The following SCRT1 variants were observed in gnomAD, a reference collection of about 807,000 sequenced individuals.
The protein encoded by SCRT1 is scratch family transcriptional repressor 1, also known as transcriptional repressor scratch 1.
SCRT1 carries 1 observed loss-of-function variant against 3.4 expected under a neutral mutation model. That is an observed-to-expected ratio of 0.29 (90% CI 0.10 to 1.39). SCRT1 has a LOEUF of 1.39. Ranked by LOEUF, SCRT1 falls within the 40% of genes most tolerant of loss-of-function variation. The pLI, the probability that SCRT1 is intolerant of heterozygous loss-of-function variation, is 0.42. For missense variants in SCRT1, 380 were observed against 526.3 expected (o/e 0.72, Z 2.72); for synonymous variants, 238 against 247.0 (o/e 0.96, Z 0.34).
At position 144,332,970 on chromosome 8, in the gene SCRT1, G is replaced by C. The variant is rs953453014; in HGVS notation, c.*215C>G. ...AGCCGGGGGCACCCTGGAGGGGAGGGGAGGGGGCTCGGGGTGGGTCTCCCC... is the reference window on the plus strand; with the variant it reads ...AGCCGGGGGCACCCTGGAGGGGAGGCGAGGGGGCTCGGGGTGGGTCTCCCC... On this transcript the variant is annotated 3_prime_UTR_variant, in exon 2 of 2. Coordinates refer to ENST00000569446, the MANE Select transcript of SCRT1 (RefSeq NM_031309.6). 2 of 504,484 alleles carry C rather than the reference G, an allele frequency of 4.0e-6. No homozygotes were observed. Among genetic ancestry groups the C allele is most frequent in the Admixed American group, 7.4e-5 (2 of 26,858 alleles). The allele number at this position is 504,484 out of a possible 1,614,324, so 31.3% of individuals were successfully genotyped here. A position where few individuals can be genotyped will look rare whatever the true frequency, so the allele number is the denominator to read the frequency against.
chr8:144,331,687 C>CTCTGCCGTGGGGG lies in SCRT1; in HGVS notation c.*1485_*1497dup, dbSNP rs1302438133. 3.3e-5 allele frequency: 5 copies of CTCTGCCGTGGGGG among 152,298 alleles called. No individual in the cohort carries two copies. The highest frequency in any genetic ancestry group is 7.3e-5 in the Non-Finnish European group (5 of 68,064). The allele number at this position is 152,298 out of a possible 1,614,324, so 9.4% of individuals were successfully genotyped here. A position where few individuals can be genotyped will look rare whatever the true frequency, so the allele number is the denominator to read the frequency against. On this transcript the variant is annotated 3_prime_UTR_variant, in exon 2 of 2. Transcript: ENST00000569446. ...CCATGGAACCATTACAGCCGCCGGG[C>CTCTGCCGTGGGGG]TCTGCCGTGGGGGTCGGGGAGGGGT...
At chr8:144,334,615 C>T (rs1225730047) in intron 1 of SCRT1, among the ~76,000 whole-genome samples, 3 of 152,042 alleles carry the variant, frequency 2.0e-5, no homozygotes, top group African/African-American at 7.3e-5. Flanking sequence ...GGGGTCCTGG[C>T]CGGCTCTCCC....
rs1164336657 is a variant in SCRT1 at position 144,336,331 on chromosome 8, C to T, written c.-162G>A. On this transcript the variant is annotated 5_prime_UTR_variant, in exon 1 of 2. Coordinates refer to ENST00000569446, the MANE Select transcript of SCRT1 (RefSeq NM_031309.6). The surrounding 1 kb of genome is among the most constrained non-coding windows in gnomAD (Gnocchi z 6.8). ...GAGTGGTGTCCTCTCTCCTTGCTGC[C>T]CTGCGTCTCCTCCGTTGCCCCTCCG... is the stretch of plus-strand genomic sequence containing the variant. 10 of 543,704 alleles carry T rather than the reference C, an allele frequency of 1.8e-5. No homozygotes were observed. Among genetic ancestry groups the T allele is most frequent in the Admixed American group, 3.6e-5 (1 of 27,486 alleles). 33.7% of individuals were successfully genotyped at this position (543,704 alleles called of 1,614,324 possible). A position where few individuals can be genotyped will look rare whatever the true frequency, so the allele number is the denominator to read the frequency against.
chr8:144,333,036 C>A lies in SCRT1; in HGVS notation c.*149G>T, dbSNP rs1277314872. 6 of 555,228 alleles carry A rather than the reference C, an allele frequency of 1.1e-5. No individual in the cohort carries two copies. Among genetic ancestry groups the A allele is most frequent in the South Asian group, 2.5e-5 (1 of 40,736 alleles). The allele number at this position is 555,228 out of a possible 1,614,324, so 34.4% of individuals were successfully genotyped here. On this transcript the variant is annotated 3_prime_UTR_variant, in exon 2 of 2. Coordinates refer to ENST00000569446, the MANE Select transcript of SCRT1 (RefSeq NM_031309.6). ...TTGAAGGGGCCGGCAAGGCCCCTGGCGGGCGGGGCGGGGTGGGACCGGGCC... is the reference window on the plus strand; with the variant it reads ...TTGAAGGGGCCGGCAAGGCCCCTGGAGGGCGGGGCGGGGTGGGACCGGGCC...
In SCRT1 at chr8:144,333,643, C is replaced by T; in HGVS notation, c.589G>A (p.Gly197Ser). 1 of 1,591,296 alleles carries T rather than the reference C, an allele frequency of 6.3e-7. No individual in the cohort carries two copies. Among genetic ancestry groups the T allele is most frequent in the Non-Finnish European group, 8.5e-7 (1 of 1,173,394 alleles). ...TTCGACGACGTGGCGTATGTTTTGC[C>T]GCACTCGCCGCACGCGTGCCGGCCG... is the stretch of plus-strand genomic sequence containing the variant. ...AGGRHACGEC[G>S]KTYATSSNLS... is the part of the protein sequence containing the mutation. Residue 197 changes from glycine to serine, a missense_variant, in exon 2 of 2, where the codon GGC becomes AGC. Gly to Ser is a moderately conservative substitution (Grantham distance 56). This residue lies in a region of SCRT1 where 56 missense variants were observed against 169.3 expected (regional missense o/e 0.33). Transcript: ENST00000569446.
chr8:144,334,306 G>A (rs1410218664), intron 1 of SCRT1, among the ~76,000 whole-genome samples, 190 bp from the exon 2 acceptor site: 2 of 152,016 alleles, frequency 1.3e-5, no homozygotes, highest in Non-Finnish European at 2.9e-5. Context: ...ACAGCAGGGA[G>A]GGGAAGAGAG....
rs1554849999 is a variant in SCRT1, at chr8:144,333,881, G to A, written c.351C>T (p.Phe117=). The change falls in exon 2 of 2, where the codon TTC becomes TTT. Residue 117 remains phenylalanine (F), a synonymous_variant. Transcript: ENST00000569446. The part of the protein sequence containing the change: ...AVSEGYAADA[F]FITDGRSRRK... ...GCCGCGAGCGCCCGTCGGTGATGAA[G>A]AAGGCGTCCGCCGCGTAGCCCTCGC... 9.4e-6 allele frequency: 12 copies of A among 1,283,018 alleles called. No homozygotes were observed. Among genetic ancestry groups the A allele is most frequent in the South Asian group, 2.4e-5 (1 of 41,258 alleles). 79.5% of individuals were successfully genotyped at this position (1,283,018 alleles called of 1,614,324 possible). A position where few individuals can be genotyped will look rare whatever the true frequency, so the allele number is the denominator to read the frequency against.
At position 144,336,192 on chromosome 8, in the gene SCRT1, T is replaced by G; in HGVS notation, c.-23A>C. ...CATGATTCCTGCGGGGCTCCGGCGC[T>G]GTGGGCCTGCGGAGCCGGGGCTTGG... On this transcript the variant is annotated 5_prime_UTR_variant, in exon 1 of 2. Transcript: ENST00000569446. The surrounding 1 kb of genome is among the most constrained non-coding windows in gnomAD (Gnocchi z 6.8). 1 of 1,535,564 alleles carries G rather than the reference T, an allele frequency of 6.5e-7. No individual in the cohort carries two copies. Among genetic ancestry groups the G allele is most frequent in the Non-Finnish European group, 8.9e-7 (1 of 1,129,210 alleles).
rs1258868260 is a variant in SCRT1, at chr8:144,335,799, T to C, written c.115+256A>G. On this transcript the variant is annotated intron_variant, in intron 1 of 1. Coordinates refer to ENST00000569446, the MANE Select transcript of SCRT1 (RefSeq NM_031309.6). This position sits in a 1 kb window ranked among gnomAD's most constrained non-coding sequence, Gnocchi z 7.7. ...CAGCATGGGTCAGGATGTGGGTCCA[T>C]GTGTGCGTTTGGGTACCTCAGTTCC... is the stretch of plus-strand genomic sequence containing the variant. 2.0e-5 allele frequency among the ~76,000 whole-genome samples: 3 copies of C among 152,194 alleles called. No homozygotes were observed. Among genetic ancestry groups the C allele is most frequent in the Non-Finnish European group, 4.4e-5 (3 of 68,022 alleles).
rs1817885061 is a variant in SCRT1, at chr8:144,336,125, G to A, written c.45C>T (p.Phe15=). Residue 15 remains phenylalanine, a synonymous_variant, in exon 1 of 2, where the codon TTC becomes TTT. Transcript: ENST00000569446. The surrounding 1 kb of genome is among the most constrained non-coding windows in gnomAD (Gnocchi z 6.8). The part of the protein sequence containing the change: ...FLVKKVKLDA[F]SSADLESAYG... ...AGGCGCTCTCCAGGTCGGCCGAAGA[G>A]AACGCGTCAAGTTTGACCTTCTTGA... 1 of 1,610,768 alleles carries A rather than the reference G, an allele frequency of 6.2e-7. No individual in the cohort carries two copies. The highest frequency in any genetic ancestry group is 1.3e-5 in the African/African-American group (1 of 74,948).
chr8:144,333,664 GGCC>G lies in SCRT1; in HGVS notation c.565_567del (p.Gly189del). The G allele has an allele frequency of 6.5e-7, 1 of 1,536,966 alleles. No homozygotes were observed. Among genetic ancestry groups the G allele is most frequent in the Non-Finnish European group, 8.7e-7 (1 of 1,149,958 alleles). On this transcript the variant is annotated inframe_deletion, in exon 2 of 2. Coordinates refer to ENST00000569446, the MANE Select transcript of SCRT1 (RefSeq NM_031309.6). ...TTGCCGCACTCGCCGCACGCGTGCC[GGCC>G]GCCAGCACCTGCGGCCCCTGGCCCC...
rs1159181953 is a variant in SCRT1, at chr8:144,332,247, G to A, written c.*938C>T. ...AGTGCAATCCGTTCATAAATAAAACGTACAAATACAGAAAAAGAAACCCGA... is the reference window on the plus strand; with the variant it reads ...AGTGCAATCCGTTCATAAATAAAACATACAAATACAGAAAAAGAAACCCGA... On this transcript the variant is annotated 3_prime_UTR_variant, in exon 2 of 2. Transcript: ENST00000569446. The A allele has an allele frequency of 6.6e-6, 1 of 152,352 alleles. No homozygotes were observed. The highest frequency in any genetic ancestry group is 1.5e-5 in the Non-Finnish European group (1 of 68,056). The allele number at this position is 152,352 out of a possible 1,614,324, so 9.4% of individuals were successfully genotyped here.
rs1352016740 is a variant in SCRT1 at position 144,336,395 on chromosome 8, TTCCTTCAA to T, written c.-234_-227del. ...CCTCCTTCCTTCAATCCTTCCTTCC[TTCCTTCAA>T]TCCTTCCTTCCTTCTCTCCTCTTCT... On this transcript the variant is annotated 5_prime_UTR_variant, in exon 1 of 2. Coordinates refer to ENST00000569446, the MANE Select transcript of SCRT1 (RefSeq NM_031309.6). The surrounding 1 kb of genome is among the most constrained non-coding windows in gnomAD (Gnocchi z 6.8). 1.3e-5 allele frequency: 6 copies of T among 460,548 alleles called. No homozygotes were observed. The highest frequency in any genetic ancestry group is 2.3e-5 in the Non-Finnish European group (6 of 256,578). 28.5% of individuals were successfully genotyped at this position (460,548 alleles called of 1,614,324 possible).
intron 1 of SCRT1, 28 bp from the exon 2 acceptor site, chr8:144,334,144 G>C: frequency 8.5e-7 from 1 of 1,171,120 alleles, no homozygotes; most frequent in South Asian, 1.3e-5. Flanking sequence ...CGGACAGCGG[G>C]AAGGGAATGG....
rs917718505 is a variant in SCRT1, at chr8:144,331,722, G to A, written c.*1463C>T. On this transcript the variant is annotated 3_prime_UTR_variant, in exon 2 of 2. Transcript: ENST00000569446. ...GGGGTCGGGGAGGGGTGGGGAGAAA[G>A]TCTGCGCGGCCGGCCCCGCGCAGCG... 6.6e-6 allele frequency: 1 copy of A among 152,288 alleles called. No homozygotes were observed. Among genetic ancestry groups the A allele is most frequent in the Non-Finnish European group, 1.5e-5 (1 of 68,014 alleles). 9.4% of individuals were successfully genotyped at this position (152,288 alleles called of 1,614,324 possible).
rs1258741208 is a variant in SCRT1, at chr8:144,335,416, G to A, written c.115+639C>T. On this transcript the variant is annotated intron_variant, in intron 1 of 1. Transcript: ENST00000569446. This position sits in a 1 kb window ranked among gnomAD's most constrained non-coding sequence, Gnocchi z 7.7. Reference sequence around the variant, plus strand: ...GCACTCCTGTCCCCCTCTCCTGCATGCTGACAGTTGTCCTTGAACTTGGGC... The same window carrying A: ...GCACTCCTGTCCCCCTCTCCTGCATACTGACAGTTGTCCTTGAACTTGGGC... 6.6e-6 allele frequency among the ~76,000 whole-genome samples: 1 copy of A among 152,144 alleles called. No individual in the cohort carries two copies. Among genetic ancestry groups the A allele is most frequent in the Non-Finnish European group, 1.5e-5 (1 of 68,028 alleles).
chr8:144,334,126 G>A lies in SCRT1; in HGVS notation c.116-10C>T. On this transcript the variant is annotated splice_polypyrimidine_tract_variant and intron_variant, in intron 1 of 1. Transcript: ENST00000569446. The stretch of plus-strand genomic sequence containing the variant: ...TAGTCGCTGAGGTACCCTGCGGGCG[G>A]AGGCGGACGGACAGCGGGAAGGGAA... The A allele has an allele frequency of 1.3e-6, 2 of 1,524,178 alleles. No homozygotes were observed. The highest frequency in any genetic ancestry group is 2.4e-5 in the South Asian group (2 of 83,286). 94.4% of individuals were successfully genotyped at this position (1,524,178 alleles called of 1,614,324 possible).
At position 144,336,062 on chromosome 8, in the gene SCRT1, G is replaced by A. The variant is rs148930478; in HGVS notation, c.108C>T (p.His36=). The change falls in exon 1 of 2, where the codon CAC becomes CAT. Residue 36 remains histidine, a synonymous_variant. Transcript: ENST00000569446. This position sits in a 1 kb window ranked among gnomAD's most constrained non-coding sequence, Gnocchi z 6.8. Reference sequence around the variant, plus strand: ...TCTCAGACCAGCGCTCACCTTTATCGTGCAGTGGCGCGCCGAGGTCGCTGC... The same window carrying A: ...TCTCAGACCAGCGCTCACCTTTATCATGCAGTGGCGCGCCGAGGTCGCTGC... ...RARSDLGAPL[H]DKGYLSDYVG... The A allele has an allele frequency of 3.7e-6, 6 of 1,602,044 alleles. No individual in the cohort carries two copies. The highest frequency in any genetic ancestry group is 2.3e-5 in the East Asian group (1 of 44,356).
rs781920653 is a variant in SCRT1, at chr8:144,336,004, G to A, written c.115+51C>T. 4.7e-6 allele frequency: 6 copies of A among 1,286,332 alleles called. No homozygotes were observed. The highest frequency in any genetic ancestry group is 2.9e-5 in the South Asian group (2 of 69,712). 79.7% of individuals were successfully genotyped at this position (1,286,332 alleles called of 1,614,324 possible). ...CGCCCCCACACTCTGGCCCTCCACC[G>A]CTTCCAGCAAAGCCCCAGGCCCCGC... is the stretch of plus-strand genomic sequence containing the variant. On this transcript the variant is annotated intron_variant, in intron 1 of 1. Transcript: ENST00000569446. The surrounding 1 kb of genome is among the most constrained non-coding windows in gnomAD (Gnocchi z 6.8).
Sources: allele counts gnomAD v4.1 joint callset (sites outside exome capture counted in the v4.1 genomes callset), GRCh38; gene constraint gnomAD v4.1.1; regional missense constraint gnomAD v4.1.1; non-coding constraint Gnocchi (gnomAD v3.1); transcripts MANE v1.5; gene names NCBI Gene and HGNC (gene_info 2026-07-23, HGNC 2026-07-21).